The following ROBO1 variants were observed in gnomAD, a reference collection of about 807,000 sequenced individuals.
The protein encoded by ROBO1 is roundabout homolog 1.
In ROBO1, 149 loss-of-function variants were observed where a neutral mutation model predicts 195.9. That is an observed-to-expected ratio of 0.76 (90% confidence interval 0.67 to 0.87). The LOEUF (loss-of-function observed/expected upper bound fraction) is 0.87, where lower values mean the gene tolerates loss of function less well. Ranked by LOEUF, ROBO1 falls within the 40% of genes least tolerant of loss-of-function variation. ROBO1 has a pLI of 0.00. For synonymous variants in ROBO1, 816 were observed against 733.2 expected (o/e 1.11, Z -1.82); for missense variants, 1,933 against 2,068.3 (o/e 0.93, Z 1.27).
In ROBO1 at chr3:78,659,794, T is replaced by G. The variant is rs1707268786; in HGVS notation, c.2334A>C (p.Pro778=). ...AKTLEEAPSA[P]PQGVTVSKND... The stretch of plus-strand genomic sequence containing the variant: ...TCTTGGATACAGTTACACCTTGGGG[T>G]GGGGCACTGGGTGCTATTAAATTGT... Residue 778 remains proline, a synonymous_variant, in exon 17 of 31, where the codon CCA becomes CCC. Coordinates refer to ENST00000464233, the MANE Select transcript of ROBO1 (RefSeq NM_002941.4). The G allele has an allele frequency of 3.7e-6, 6 of 1,604,108 alleles. No homozygotes were observed. Among genetic ancestry groups the G allele is most frequent in the Non-Finnish European group, 5.1e-6 (6 of 1,175,100 alleles).
chr3:78,698,256 T>C (rs954984617), intron 8 of ROBO1, among the ~76,000 whole-genome samples: 6 of 152,126 alleles, frequency 3.9e-5, no homozygotes, highest in Non-Finnish European at 7.4e-5. Flanking sequence ...CAAAATCCAG[T>C]CACTGGTATG....
intron 4 of ROBO1, among the ~76,000 whole-genome samples, chr3:78,829,990 C>T (rs1289918906): frequency 6.6e-6 from 1 of 151,932 alleles, no homozygotes; most frequent in African/African-American, 2.4e-5. Context: ...GTTTTACTAC[C>T]CAATTTATAT....
intron 2 of ROBO1, among the ~76,000 whole-genome samples, chr3:79,162,832 G>A (rs908959516): frequency 6.6e-6 from 1 of 152,014 alleles, no homozygotes; most frequent in Non-Finnish European, 1.5e-5. Flanking sequence ...AGAGAAATTG[G>A]GTACTGCTCT....
intron 2 of ROBO1, among the ~76,000 whole-genome samples, chr3:79,495,956 T>C (rs1939706896): frequency 6.6e-6 from 1 of 152,100 alleles, no homozygotes; most frequent in South Asian, 2.1e-4. Flanking sequence ...CTTACACCTG[T>C]AATACCAGCA....
At chr3:79,371,148 T>C (rs370502603) in intron 2 of ROBO1, among the ~76,000 whole-genome samples, 1 of 152,162 alleles carries the variant, frequency 6.6e-6, no homozygotes. Context: ...AATAAACATA[T>C]GTGTGCGTGT....
chr3:79,599,982 A>G (rs1944292213), intron 1 of ROBO1, among the ~76,000 whole-genome samples: 1 of 151,962 alleles, frequency 6.6e-6, no homozygotes, highest in African/African-American at 2.4e-5. Flanking sequence ...CAAATTCACG[A>G]AGATGATTCC....
chr3:79,697,401 T>C (rs1261664939), intron 1 of ROBO1, among the ~76,000 whole-genome samples: 2 of 151,362 alleles, frequency 1.3e-5, no homozygotes, highest in African/African-American at 4.8e-5. Context: ...CAAAAGAATA[T>C]CCAATGAGCT....
chr3:78,622,591 T>G (rs1704521352), intron 26 of ROBO1, among the ~76,000 whole-genome samples: 1 of 152,190 alleles, frequency 6.6e-6, no homozygotes, highest in Non-Finnish European at 1.5e-5. Flanking sequence ...TTCCAAATGC[T>G]ATTCTGAAAT....
At chr3:78,997,149 G>A (rs890468002) in intron 3 of ROBO1, among the ~76,000 whole-genome samples, 1 of 152,076 alleles carries the variant, frequency 6.6e-6, no homozygotes, top group Non-Finnish European at 1.5e-5. Context: ...GATTAGTGCT[G>A]GACTTGACAA....
chr3:78,686,894 G>A (rs908199132), intron 9 of ROBO1, among the ~76,000 whole-genome samples: 11 of 151,942 alleles, frequency 7.2e-5, no homozygotes, highest in Admixed American at 3.3e-4. Flanking sequence ...AAAAGATCAC[G>A]CTTCTTAGAG....
chr3:79,436,978 T>A (rs2107090068), intron 2 of ROBO1, among the ~76,000 whole-genome samples: 1 of 152,222 alleles, frequency 6.6e-6, no homozygotes. Context: ...ATCTCTGAAT[T>A]TTCTTATTCT....
chr3:79,422,302 T>C lies in ROBO1; in HGVS notation c.88+167522A>G, dbSNP rs1340042602. 2.0e-5 allele frequency among the ~76,000 whole-genome samples: 3 copies of C among 151,756 alleles called. No individual in the cohort carries two copies. The Admixed American group carries it at 2.0e-4, about 10-fold the overall frequency. On this transcript the variant is annotated intron_variant, in intron 2 of 30. Coordinates refer to ENST00000464233, the MANE Select transcript of ROBO1 (RefSeq NM_002941.4). The stretch of plus-strand genomic sequence containing the variant: ...AGTGCAACTAAGTTAAGCACTTTAA[T>C]ATAACTTTGTCCAATGTGTCAGCTC...
intron 4 of ROBO1, among the ~76,000 whole-genome samples, chr3:78,808,637 A>T (rs960596316): frequency 1.9e-4 from 29 of 152,240 alleles, no homozygotes; most frequent in African/African-American, 7.0e-4. Context: ...TCATAGCTTC[A>T]ATGGCTTAAA....
intron 2 of ROBO1, among the ~76,000 whole-genome samples, chr3:79,491,591 CA>C (rs1200033974): frequency 2.6e-5 from 4 of 152,014 alleles, no homozygotes; most frequent in African/African-American, 9.7e-5. Flanking sequence ...TGAGAGATGC[CA>C]AAAATTTGAT....
intron 3 of ROBO1, among the ~76,000 whole-genome samples, chr3:79,038,250 G>C (rs184797220): frequency 1.3e-5 from 2 of 152,308 alleles, no homozygotes; most frequent in East Asian, 3.9e-4. Flanking sequence ...GCTCCAGGAA[G>C]ACTCATACTG....
chr3:79,322,610 A>G (rs559841097), intron 2 of ROBO1, among the ~76,000 whole-genome samples: 1 of 152,312 alleles, frequency 6.6e-6, no homozygotes, highest in Admixed American at 6.5e-5. Flanking sequence ...CTTCACTAGA[A>G]AATATAACTC....
chr3:79,570,963 G>T (rs889730680), intron 2 of ROBO1, among the ~76,000 whole-genome samples: 3 of 152,050 alleles, frequency 2.0e-5, no homozygotes, highest in African/African-American at 4.8e-5. Flanking sequence ...AATTAGAGAG[G>T]ATTATAATAG....
chr3:79,196,957 T>C (rs2081648643), intron 2 of ROBO1, among the ~76,000 whole-genome samples: 1 of 151,754 alleles, frequency 6.6e-6, no homozygotes, highest in Non-Finnish European at 1.5e-5. Context: ...ATCTGGTGTT[T>C]TGTTTTTTAG....
chr3:78,795,122 T>G (rs980228907), intron 4 of ROBO1, among the ~76,000 whole-genome samples: 1 of 152,184 alleles, frequency 6.6e-6, no homozygotes, highest in African/African-American at 2.4e-5. Context: ...TGTAAAAAGA[T>G]AGCATTCCCT....
Sources: gnomAD v4.1 joint callset for allele counts (sites outside exome capture counted in the v4.1 genomes callset) on GRCh38, gnomAD v4.1.1 for gene constraint, MANE v1.5 for transcripts, NCBI Gene and HGNC (gene_info 2026-07-23, HGNC 2026-07-21) for gene names.